The following POC1B variants were observed in gnomAD, a reference collection of about 807,000 sequenced individuals.
POC1B encodes the protein POC1 centriolar protein homolog B.
Under a neutral mutation model 60.6 loss-of-function variants are expected in POC1B, and 44 were observed. That is an observed-to-expected ratio of 0.73 (90% confidence interval 0.57 to 0.93). The LOEUF (loss-of-function observed/expected upper bound fraction) is 0.93. POC1B is among the 40% of genes least tolerant of loss of function. The pLI is 0.00. For synonymous variants in POC1B, 180 were observed against 198.9 expected (o/e 0.90, Z 0.80); for missense variants, 555 against 572.3 (o/e 0.97, Z 0.31).
At chr12:89,489,390 A>G (rs1164421861) in intron 4 of POC1B, among the ~76,000 whole-genome samples, 4 of 152,232 alleles carry the variant, frequency 2.6e-5, no homozygotes. Flanking sequence ...ATTTAGGTCC[A>G]GGGTCCATGT....
chr12:89,459,690 A>G lies in POC1B; in HGVS notation c.1061T>C (p.Leu354Ser). ...CATAACAGGGGGAGTAGAGATCTGCAAATCGATTACCTCAAGCTTTGGATT... is the reference window on the plus strand; with the variant it reads ...CATAACAGGGGGAGTAGAGATCTGCGAATCGATTACCTCAAGCTTTGGATT... ...EINPKLEVID[L>S]QISTPPVMDI... is the part of the protein sequence containing the mutation. The change falls in exon 10 of 12, where the codon TTG (leucine) becomes TCG (serine). Residue 354 changes from leucine (L) to serine (S), a missense_variant. Leu to Ser is a moderately radical substitution (Grantham distance 145, BLOSUM62 -2). Coordinates refer to ENST00000313546, the MANE Select transcript of POC1B (RefSeq NM_172240.3). 1 of 1,544,444 alleles carries G rather than the reference A, an allele frequency of 6.5e-7. No individual in the cohort carries two copies. The highest frequency in any genetic ancestry group is 8.7e-7 in the Non-Finnish European group (1 of 1,143,906).
chr12:89,523,619 C>T, intron 2 of POC1B: 1 of 1,550,870 alleles, frequency 6.4e-7, no homozygotes, highest in South Asian at 1.3e-5. Context: ...AACAGTCCTC[C>T]AGCCATGGTA....
chr12:89,480,217 G>A (rs527953739), intron 4 of POC1B, among the ~76,000 whole-genome samples: 1 of 151,574 alleles, frequency 6.6e-6, no homozygotes, highest in African/African-American at 2.4e-5. Flanking sequence ...ACTTACCGCA[G>A]CATAGGCCTC....
chr12:89,464,371 T>C (rs540180285), intron 9 of POC1B, among the ~76,000 whole-genome samples: 1 of 152,264 alleles, frequency 6.6e-6, no homozygotes, highest in South Asian at 2.1e-4. Flanking sequence ...CCATATTTAT[T>C]AATTTGAAGT....
At chr12:89,432,383 TAAAAAAAAAAAAAAAAAA>T (rs57839375) in intron 10 of POC1B, among the ~76,000 whole-genome samples, 6 of 32,014 alleles carry the variant, frequency 1.9e-4, no homozygotes, top group African/African-American at 8.1e-4. Context: ...CTCTGTTTCT[TAAAAAAAAAAAAAAAAAA>T]AAAAAAAAAA....
In POC1B at chr12:89,470,470, AT is replaced by A; in HGVS notation, c.700del (p.Ile234TyrfsTer25). 6.2e-7 allele frequency: 1 copy of A among 1,607,430 alleles called. No homozygotes were observed. The highest frequency in any genetic ancestry group is 8.5e-7 in the Non-Finnish European group (1 of 1,175,154). ...YQVHSGGVNC[I>X]SFHPSGNYLI... ...ATAGTTACCCGAAGGATGGAATGAT[AT>A]GCAATTAACTCCACCGCTGTGAACT... On this transcript the variant is annotated frameshift_variant, in exon 7 of 12. Transcript: ENST00000313546. LOFTEE classifies it high-confidence loss of function.
At chr12:89,437,912 T>C (rs1881339567) in intron 10 of POC1B, among the ~76,000 whole-genome samples, 1 of 151,608 alleles carries the variant, frequency 6.6e-6, no homozygotes, top group African/African-American at 2.4e-5. Flanking sequence ...GCAGGGAGTG[T>C]TGGTGTGGCC....
At chr12:89,412,157 T>G in the POC1B span, among the ~76,000 whole-genome samples, 1 of 152,224 alleles carries the variant, frequency 6.6e-6, no homozygotes, top group Non-Finnish European at 1.5e-5. Context: ...CAAGAAGTCC[T>G]TGTCCACAAC....
intron 6 of POC1B, among the ~76,000 whole-genome samples, chr12:89,471,262 T>C (rs145481732): frequency 1.3e-5 from 2 of 152,368 alleles, no homozygotes; most frequent in African/African-American, 4.8e-5. Context: ...AGTTGTTTTC[T>C]ACCAGTTATA....
chr12:89,424,766 T>C (rs1270008238), intron 11 of POC1B, among the ~76,000 whole-genome samples: 1 of 152,194 alleles, frequency 6.6e-6, no homozygotes, highest in Non-Finnish European at 1.5e-5. Flanking sequence ...CCATCATGCC[T>C]GGAAGATCAC....
intron 2 of POC1B, chr12:89,522,936 A>G (rs369500835): frequency 1.2e-5 from 20 of 1,613,940 alleles, no homozygotes; most frequent in Non-Finnish European, 1.6e-5. Context: ...GGTGAAAAAT[A>G]GTTCCATCTT....
chr12:89,427,017 A>G (rs1049991288), intron 10 of POC1B: 1 of 152,108 alleles, frequency 6.6e-6, no homozygotes, highest in African/African-American at 2.4e-5. Context: ...TCAAAATCCC[A>G]TTTGTCTTTT....
chr12:89,468,464 A>C (rs1047657396), intron 7 of POC1B, among the ~76,000 whole-genome samples: 1 of 152,212 alleles, frequency 6.6e-6, no homozygotes, highest in Admixed American at 6.5e-5. Context: ...CTGTACAAGA[A>C]AAGTTTTAGG....
chr12:89,472,063 C>A, intron 5 of POC1B, 105 bp downstream of exon 5: 1 of 828,778 alleles, frequency 1.2e-6, no homozygotes, highest in Non-Finnish European at 1.9e-6. Flanking sequence ...CCACTGCACC[C>A]GGCCATATTT....
intron 4 of POC1B, chr12:89,472,536 T>C (rs1882940344): frequency 3.3e-6 from 1 of 301,304 alleles, no homozygotes; most frequent in Non-Finnish European, 6.1e-6. Context: ...ATAATTTTGG[T>C]TTTATTGCAT....
the POC1B span, among the ~76,000 whole-genome samples, chr12:89,407,252 G>A: frequency 7.3e-5 from 11 of 151,354 alleles, no homozygotes; most frequent in Admixed American, 4.6e-4. Flanking sequence ...GAGGGTGGGC[G>A]GATGGAGTCT....
chr12:89,502,107 G>A (rs1416543472), intron 2 of POC1B: 3 of 1,160,248 alleles, frequency 2.6e-6, no homozygotes, highest in Non-Finnish European at 3.9e-6. Flanking sequence ...CACCAACAGA[G>A]TCAAACTTGG....
chr12:89,491,125 C>T (rs2135737091), intron 4 of POC1B, among the ~76,000 whole-genome samples: 1 of 152,284 alleles, frequency 6.6e-6, no homozygotes, highest in African/African-American at 2.4e-5. Context: ...TCCTACATCC[C>T]CACCCACCCT....
intron 10 of POC1B, among the ~76,000 whole-genome samples, chr12:89,449,754 T>C (rs1477796686): frequency 1.3e-5 from 2 of 152,144 alleles, no homozygotes; most frequent in East Asian, 3.8e-4. Flanking sequence ...TAAAGAAATA[T>C]TCTAAATCTA....
Sources: allele counts gnomAD v4.1 joint callset (sites outside exome capture counted in the v4.1 genomes callset), GRCh38; gene constraint gnomAD v4.1.1; transcripts MANE v1.5; gene names NCBI Gene and HGNC (gene_info 2026-07-23, HGNC 2026-07-21).